Variants in S1PR3 observed in about 807,000 individuals in gnomAD.
S1PR3 encodes sphingosine-1-phosphate receptor 3, also known as sphingosine 1-phosphate receptor 3.
Under a neutral mutation model 13.3 loss-of-function variants are expected in S1PR3, and 12 were observed. The ratio of observed to expected loss-of-function variants is 0.90; its 90% CI spans 0.58 to 1.46. S1PR3 has a LOEUF of 1.46. Ranked by LOEUF, S1PR3 falls within the 40% of genes most tolerant of loss-of-function variation. S1PR3 has a pLI of 0.00. For missense variants in S1PR3, 450 were observed against 501.9 expected (o/e 0.90, Z 0.99); for synonymous variants, 232 against 214.0 (o/e 1.08, Z -0.73).
chr9:88,993,488 G>C (rs181566210), intron 1 of S1PR3: 12 of 152,298 alleles, frequency 7.9e-5, no homozygotes, highest in Admixed American at 4.6e-4. Context: ...GCTGGAACCA[G>C]GGTGCTGTGC....
At chr9:88,992,070 C>A in intron 1 of S1PR3, 1 of 1,566,212 alleles carries the variant, frequency 6.4e-7, no homozygotes, top group East Asian at 2.2e-5. Context: ...GAAAATCATT[C>A]TTTTAAACAA....
upstream of S1PR3, chr9:88,991,127 C>T (rs755324673): frequency 6.2e-7 from 1 of 1,612,280 alleles, no homozygotes; most frequent in South Asian, 1.1e-5. This position sits in a 1 kb window ranked among gnomAD's most constrained non-coding sequence, Gnocchi z 4.0. Context: ...CAAGCCTGTT[C>T]CCGCTGGGTC....
At chr9:88,995,666 G>A (rs1425475212) in intron 1 of S1PR3, 1 of 167,128 alleles carries the variant, frequency 6.0e-6, no homozygotes, top group Non-Finnish European at 1.5e-5. Context: ...GGTCTTTATT[G>A]AGTAGAACTC....
rs1400288054 is a variant in S1PR3, at chr9:89,004,423, AAAC to A, written c.*2095_*2097del. Reference sequence around the variant, plus strand: ...CAAAAAATAATAATAATAATAAATAAAACAACAACAAAATGCATCAGAGAGCCA... The same window carrying A: ...CAAAAAATAATAATAATAATAAATAAAACAACAAAATGCATCAGAGAGCCA... On this transcript the variant is annotated 3_prime_UTR_variant, in exon 2 of 2. Coordinates refer to ENST00000358157, the MANE Select transcript of S1PR3 (RefSeq NM_005226.4). The A allele has an allele frequency of 1.2e-5, 2 of 165,714 alleles. No individual in the cohort carries two copies. The highest frequency in any genetic ancestry group is 1.3e-4 in the Admixed American group (2 of 15,286). The allele number at this position is 165,714 out of a possible 1,614,324, so 10.3% of individuals were successfully genotyped here.
chr9:88,991,169 G>A, upstream of S1PR3: 2 of 1,605,706 alleles, frequency 1.2e-6, no homozygotes, highest in Non-Finnish European at 1.7e-6. The surrounding 1 kb of genome is among the most constrained non-coding windows in gnomAD (Gnocchi z 4.0). Flanking sequence ...CCTGGAGCTC[G>A]CCCGATGAGG....
chr9:89,002,271 C>T lies in S1PR3; in HGVS notation c.1071C>T (p.His357=). 1 of 1,614,190 alleles carries T rather than the reference C, an allele frequency of 6.2e-7. No individual in the cohort carries two copies. The highest frequency in any genetic ancestry group is 8.5e-7 in the Non-Finnish European group (1 of 1,180,040). The change falls in exon 2 of 2, where the codon CAC becomes CAT. Residue 357 remains histidine, a synonymous_variant. Transcript: ENST00000358157. ...HSPKVKEDLP[H]TAPSSCIMDK... is the part of the protein sequence containing the mutation. ...CGAAGGTCAAGGAAGACCTGCCCCA[C>T]ACAGCCCCCTCATCCTGCATCATGG...
Position 89,002,194 on chromosome 9 carries a change from C to T in S1PR3, c.994C>T (p.Leu332Phe), listed in dbSNP as rs1011281875. 13 of 1,613,926 alleles carry T rather than the reference C, an allele frequency of 8.1e-6. No individual in the cohort carries two copies. Among genetic ancestry groups the T allele is most frequent in the Non-Finnish European group, 1.1e-5 (13 of 1,180,034 alleles). ...CCGCGCCTCACCCATCCAGCCTGCG[C>T]TCGACCCAAGCAGAAGTAAATCAAG... is the stretch of plus-strand genomic sequence containing the variant. Reference protein sequence around the residue: ...GARASPIQPALDPSRSKSSSS... With the variant: ...GARASPIQPAFDPSRSKSSSS... Residue 332 changes from leucine (L) to phenylalanine (F), a missense_variant, in exon 2 of 2, where the codon CTC becomes TTC. Transcript: ENST00000358157.
chr9:88,991,448 A>G, upstream of S1PR3: 1 of 1,544,346 alleles, frequency 6.5e-7, no homozygotes, highest in Non-Finnish European at 8.7e-7. The surrounding 1 kb of genome is among the most constrained non-coding windows in gnomAD (Gnocchi z 4.0). Context: ...GGAAAAGTTT[A>G]GTCTCTGACT....
chr9:89,004,933 A>T lies in S1PR3; in HGVS notation c.*2596A>T, dbSNP rs968403120. The T allele has an allele frequency of 2.4e-5, 4 of 167,090 alleles. No homozygotes were observed. The highest frequency in any genetic ancestry group is 3.8e-4 in the East Asian group (2 of 5,204). The allele number at this position is 167,090 out of a possible 1,614,324, so 10.4% of individuals were successfully genotyped here. On this transcript the variant is annotated 3_prime_UTR_variant, in exon 2 of 2. Transcript: ENST00000358157. ...AAACTATGCATTAGGTCTCTTTTCA[A>T]TTAGAAACCTTTACTATTTCCAATG... is the stretch of plus-strand genomic sequence containing the variant.
rs1473615882 is a variant in S1PR3, at chr9:89,004,440, A to G, written c.*2103A>G. The G allele has an allele frequency of 6.0e-6, 1 of 166,772 alleles. No individual in the cohort carries two copies. Among genetic ancestry groups the G allele is most frequent in the Non-Finnish European group, 1.5e-5 (1 of 68,112 alleles). 10.3% of individuals were successfully genotyped at this position (166,772 alleles called of 1,614,324 possible). A position where few individuals can be genotyped will look rare whatever the true frequency, so the allele number is the denominator to read the frequency against. On this transcript the variant is annotated 3_prime_UTR_variant, in exon 2 of 2. Transcript: ENST00000358157. The stretch of plus-strand genomic sequence containing the variant: ...AATAAATAAAACAACAACAAAATGC[A>G]TCAGAGAGCCAAAACATTCAGTATT...
Position 89,002,197 on chromosome 9 carries a change from G to T in S1PR3, c.997G>T (p.Asp333Tyr), listed in dbSNP as rs758690327. 2 of 1,613,886 alleles carry T rather than the reference G, an allele frequency of 1.2e-6. No homozygotes were observed. The highest frequency in any genetic ancestry group is 1.1e-5 in the South Asian group (1 of 91,058). ...CGCCTCACCCATCCAGCCTGCGCTC[G>T]ACCCAAGCAGAAGTAAATCAAGCAG... The part of the protein sequence containing the change: ...ARASPIQPAL[D>Y]PSRSKSSSSN... The change falls in exon 2 of 2, where the codon GAC (aspartate) becomes TAC (tyrosine). Residue 333 changes from aspartate (D) to tyrosine (Y), a missense_variant. Transcript: ENST00000358157.
rs368800175 is a variant in S1PR3 at position 88,992,000 on chromosome 9, T to G, written c.-148+305T>G. On this transcript the variant is annotated intron_variant, in intron 1 of 1. Coordinates refer to ENST00000358157, the MANE Select transcript of S1PR3 (RefSeq NM_005226.4). This position sits in a 1 kb window ranked among gnomAD's most constrained non-coding sequence, Gnocchi z 4.0. ...CCTTGGACAATTAACAAGTTAGGCTTCCACAGTGCCAGGGCCTGGGGATGC... is the reference window on the plus strand; with the variant it reads ...CCTTGGACAATTAACAAGTTAGGCTGCCACAGTGCCAGGGCCTGGGGATGC... 432 of 1,614,044 alleles carry G rather than the reference T, an allele frequency of 2.7e-4. No homozygotes were observed. The highest frequency in any genetic ancestry group is 3.6e-4 in the Non-Finnish European group (420 of 1,180,034).
At chr9:88,992,304 C>T (rs1446476482) in intron 1 of S1PR3, 1 of 411,268 alleles carries the variant, frequency 2.4e-6, no homozygotes, top group African/African-American at 2.1e-5. Context: ...CTCTCTTCCT[C>T]TGACTTTCTG....
Position 89,001,610 on chromosome 9 carries a change from A to G in S1PR3, c.410A>G (p.His137Arg). ...TTACTGGCCATCGCCATCGAGCGGC[A>G]CTTGACAATGATCAAAATGAGGCCT... ...CSLLAIAIERHLTMIKMRPYD... is the reference protein window; with the variant it reads ...CSLLAIAIERRLTMIKMRPYD... The change falls in exon 2 of 2, where the codon CAC (histidine) becomes CGC (arginine). Residue 137 changes from histidine (H) to arginine (R), a missense_variant. Physicochemically the swap from His to Arg is conservative, Grantham distance 29. Coordinates refer to ENST00000358157, the MANE Select transcript of S1PR3 (RefSeq NM_005226.4). 1 of 1,614,206 alleles carries G rather than the reference A, an allele frequency of 6.2e-7. No individual in the cohort carries two copies. Among genetic ancestry groups the G allele is most frequent in the South Asian group, 1.1e-5 (1 of 91,086 alleles).
Position 89,001,583 on chromosome 9 carries a change from G to A in S1PR3, c.383G>A (p.Ser128Asn). ...MFVALGASTC[S>N]LLAIAIERHL... ...GTGGCCCTTGGGGCGTCCACCTGCA[G>A]CTTACTGGCCATCGCCATCGAGCGG... The change falls in exon 2 of 2, where the codon AGC (serine) becomes AAC (asparagine). Residue 128 changes from serine to asparagine, a missense_variant. Coordinates refer to ENST00000358157, the MANE Select transcript of S1PR3 (RefSeq NM_005226.4). 3 of 1,614,228 alleles carry A rather than the reference G, an allele frequency of 1.9e-6. No homozygotes were observed. The highest frequency in any genetic ancestry group is 2.5e-6 in the Non-Finnish European group (3 of 1,180,046).
chr9:88,991,630 C>T lies in S1PR3; in HGVS notation c.-213C>T. On this transcript the variant is annotated 5_prime_UTR_variant, in exon 1 of 2. Transcript: ENST00000358157. This position sits in a 1 kb window ranked among gnomAD's most constrained non-coding sequence, Gnocchi z 4.0. ...TCTGGCATTCGAGCGCAGGACCGGG[C>T]GCCCCGGCACCGCCGCGCGCCACCC... 1 of 1,529,180 alleles carries T rather than the reference C, an allele frequency of 6.5e-7. No homozygotes were observed. The highest frequency in any genetic ancestry group is 2.6e-5 in the East Asian group (1 of 39,072). The allele number at this position is 1,529,180 out of a possible 1,614,324, so 94.7% of individuals were successfully genotyped here.
intron 1 of S1PR3, chr9:88,999,356 C>T (rs1825842751): frequency 6.6e-6 from 1 of 152,264 alleles, no homozygotes; most frequent in South Asian, 2.1e-4. Flanking sequence ...CCAGGTCCCC[C>T]AAATTGATGT....
chr9:88,997,530 A>C (rs1477325822), intron 1 of S1PR3: 2 of 152,346 alleles, frequency 1.3e-5, no homozygotes, highest in Non-Finnish European at 2.9e-5. Flanking sequence ...AAGCTGAGTT[A>C]GTACAAGAAC....
rs1331085558 is a variant in S1PR3, at chr9:88,991,780, G to A, written c.-148+85G>A. 3 of 1,586,360 alleles carry A rather than the reference G, an allele frequency of 1.9e-6. No homozygotes were observed. In the East Asian group the frequency reaches 6.9e-5, roughly 37 times the overall value. ...CCACCTTTCCAACAAAATCCCCACC[G>A]ATCCCGGGCGCGACGGGGACTTGGG... On this transcript the variant is annotated intron_variant, in intron 1 of 1. Coordinates refer to ENST00000358157, the MANE Select transcript of S1PR3 (RefSeq NM_005226.4). The surrounding 1 kb of genome is among the most constrained non-coding windows in gnomAD (Gnocchi z 4.0).
Sources: allele counts gnomAD v4.1 joint callset, GRCh38; gene constraint gnomAD v4.1.1; non-coding constraint Gnocchi (gnomAD v3.1); transcripts MANE v1.5; gene names NCBI Gene and HGNC (gene_info 2026-07-23, HGNC 2026-07-21).